Variants in ZDHHC15 observed in about 807,000 individuals in gnomAD.
ZDHHC15 encodes the protein zDHHC palmitoyltransferase 15.
A neutral mutation model predicts 31.7 loss-of-function variants in ZDHHC15; 19 were observed. The ratio of observed to expected loss-of-function variants is 0.60; its 90% CI spans 0.42 to 0.88. The LOEUF is 0.88. Ranked by LOEUF, ZDHHC15 falls within the 40% of genes least tolerant of loss-of-function variation. The pLI, the probability that ZDHHC15 is intolerant of heterozygous loss-of-function variation, is 0.00. For synonymous variants in ZDHHC15, 103 were observed against 90.0 expected (o/e 1.14, Z -0.82); for missense variants, 209 against 251.2 (o/e 0.83, Z 1.14).
intron 4 of ZDHHC15, among the ~76,000 whole-genome samples, chrX:75,445,291 A>T (rs2084017506): frequency 9.0e-6 from 1 of 111,659 alleles, no homozygotes; most frequent in African/African-American, 3.3e-5. Flanking sequence ...AGTTTTGATG[A>T]TGCTAATGAC....
At chrX:75,444,901 T>C (rs1335825367) in intron 4 of ZDHHC15, among the ~76,000 whole-genome samples, 1 of 108,404 alleles carries the variant, frequency 9.2e-6, no homozygotes, top group Admixed American at 1.0e-4. Context: ...TGATCAGGGT[T>C]CCTGGTTCTC....
In ZDHHC15 at chrX:75,417,101, T is replaced by G; in HGVS notation, c.953A>C (p.Glu318Ala). 3.3e-6 allele frequency: 4 copies of G among 1,207,863 alleles called. No individual in the cohort carries two copies. Among genetic ancestry groups the G allele is most frequent in the Non-Finnish European group, 4.5e-6 (4 of 892,508 alleles). Residue 318 changes from glutamate (E) to alanine (A), a missense_variant, in exon 10 of 12, where the codon GAG (glutamate) becomes GCG (alanine). By Grantham distance (107) the Glu-to-Ala change is moderately radical. Coordinates refer to ENST00000373367, the MANE Select transcript of ZDHHC15 (RefSeq NM_144969.3). The part of the protein sequence containing the change: ...LANEETWEDN[E>A]DDNQDYPEGS... ...ACCCCACTTACCTTGGTTGTCATCC[T>G]CGTTGTCTTCCCAGGTTTCTTCATT...
At chrX:75,490,950 G>A (rs1194070243) in intron 2 of ZDHHC15, among the ~76,000 whole-genome samples, 1 of 111,677 alleles carries the variant, frequency 9.0e-6, no homozygotes, top group Non-Finnish European at 1.9e-5. Flanking sequence ...CAGTTAGAAT[G>A]GCAATCATTA....
chrX:75,405,453 C>T (rs1195320189), intron 10 of ZDHHC15, among the ~76,000 whole-genome samples: 2 of 111,306 alleles, frequency 1.8e-5, no homozygotes, highest in Admixed American at 9.6e-5. Flanking sequence ...TAAAGACACA[C>T]ATAAGTACAT....
chrX:75,382,910 T>C (rs1477416673), intron 10 of ZDHHC15, among the ~76,000 whole-genome samples: 1 of 112,002 alleles, frequency 8.9e-6, no homozygotes, highest in African/African-American at 3.2e-5. Context: ...GAAGAGGCTT[T>C]CCAAAAGTCA....
rs182136271 is a variant in ZDHHC15 at position 75,390,294 on chromosome X, C to T, written c.968-11096G>A. ...GCCTGGAACCTGGGGGAATTCGCCA[C>T]CCAGAAGGGAAGAACAGAAACCTGG... On this transcript the variant is annotated intron_variant, in intron 10 of 11. Transcript: ENST00000373367. Among the ~76,000 whole-genome samples, 27 of 112,071 alleles carry T rather than the reference C, an allele frequency of 2.4e-4. No individual in the cohort carries two copies. The Admixed American group carries it at 2.5e-3, about 11-fold the overall frequency.
intron 3 of ZDHHC15, among the ~76,000 whole-genome samples, chrX:75,451,868 G>C (rs756092012): frequency 1.8e-5 from 2 of 111,187 alleles, no homozygotes; most frequent in East Asian, 5.7e-4. Context: ...CCCTAAAAGA[G>C]CTCCTGAAGG....
In ZDHHC15 at chrX:75,419,112, A is replaced by G. The variant is rs186243184; in HGVS notation, c.864-1922T>C. ...CAAATAACTTAAACATATTTACAAG[A>G]GAAAAACAAACAACCCCATCAAAAG... On this transcript the variant is annotated intron_variant, in intron 9 of 11. Coordinates refer to ENST00000373367, the MANE Select transcript of ZDHHC15 (RefSeq NM_144969.3). 4.5e-5 allele frequency among the ~76,000 whole-genome samples: 5 copies of G among 111,911 alleles called. No individual in the cohort carries two copies. In the South Asian group the frequency reaches 1.5e-3, roughly 34 times the overall value.
chrX:75,487,621 G>T (rs1251434735), intron 2 of ZDHHC15, among the ~76,000 whole-genome samples: 1 of 111,759 alleles, frequency 8.9e-6, no homozygotes, highest in African/African-American at 3.2e-5. Context: ...ACAAAACAGG[G>T]TTCTATAATA....
At chrX:75,519,030 T>C (rs1218179844) in intron 1 of ZDHHC15, among the ~76,000 whole-genome samples, 2 of 108,241 alleles carry the variant, frequency 1.8e-5, no homozygotes, top group African/African-American at 6.7e-5. Flanking sequence ...AGATTAATAA[T>C]TGGCTAGGAC....
Position 75,368,648 on chromosome X carries a change from C to T in ZDHHC15, c.*4330G>A, listed in dbSNP as rs2082978543. On this transcript the variant is annotated 3_prime_UTR_variant, in exon 12 of 12. Coordinates refer to ENST00000373367, the MANE Select transcript of ZDHHC15 (RefSeq NM_144969.3). ...GTTCATATATTACCAAGACCCACTG[C>T]CAGCTTTCCTTTTATGTTCCTTCAC... The T allele has an allele frequency of 9.0e-6, 1 of 111,632 alleles. No homozygotes were observed. The highest frequency in any genetic ancestry group is 3.3e-5 in the African/African-American group (1 of 30,710). The allele number at this position is 111,632 out of a possible 1,213,427, so 9.2% of individuals were successfully genotyped here.
intron 10 of ZDHHC15, among the ~76,000 whole-genome samples, chrX:75,410,889 G>A (rs1482157598): frequency 1.8e-5 from 2 of 112,291 alleles, no homozygotes; most frequent in African/African-American, 6.5e-5. Flanking sequence ...ATATGTACAC[G>A]ATGGAATATT....
chrX:75,479,105 T>A (rs1453411276), intron 2 of ZDHHC15, 120 bp from the exon 3 acceptor site: 2 of 432,566 alleles, frequency 4.6e-6, no homozygotes, highest in East Asian at 4.4e-5. Context: ...TCTCTGGTAT[T>A]ATTATGAAGT....
intron 1 of ZDHHC15, among the ~76,000 whole-genome samples, chrX:75,518,677 A>G (rs1488280281): frequency 1.9e-5 from 2 of 103,479 alleles, no homozygotes; most frequent in African/African-American, 7.0e-5. Context: ...TATTCAAACA[A>G]ATACATGAAT....
chrX:75,492,336 A>G (rs2084911787), intron 2 of ZDHHC15, among the ~76,000 whole-genome samples: 1 of 111,050 alleles, frequency 9.0e-6, no homozygotes, highest in South Asian at 3.8e-4. Context: ...ATAATGGGAG[A>G]CTTTAACACC....
chrX:75,506,186 A>G (rs994823267), intron 1 of ZDHHC15, among the ~76,000 whole-genome samples: 1 of 111,873 alleles, frequency 8.9e-6, no homozygotes, highest in African/African-American at 3.2e-5. Flanking sequence ...CTATGTAAAC[A>G]TGCTTTCTTT....
Position 75,392,874 on chromosome X carries a change from C to G in ZDHHC15, c.968-13676G>C, listed in dbSNP as rs1296314235. The stretch of plus-strand genomic sequence containing the variant: ...GGTTGTAGCTGGTACTGACGACTAC[C>G]TTCTTCTACTACCCATTCTGTATTC... On this transcript the variant is annotated intron_variant, in intron 10 of 11. Coordinates refer to ENST00000373367, the MANE Select transcript of ZDHHC15 (RefSeq NM_144969.3). Among the ~76,000 whole-genome samples, 3 of 110,634 alleles carry G rather than the reference C, an allele frequency of 2.7e-5. No individual in the cohort carries two copies. In the Admixed American group the frequency reaches 2.9e-4, roughly 11 times the overall value.
chrX:75,406,842 A>G, intron 10 of ZDHHC15, among the ~76,000 whole-genome samples: 1 of 112,191 alleles, frequency 8.9e-6, no homozygotes, highest in South Asian at 3.7e-4. Flanking sequence ...CAAGGCCAGC[A>G]TTACCCTGAT....
intron 11 of ZDHHC15, among the ~76,000 whole-genome samples, chrX:75,376,277 T>TTAAG (rs2083059523): frequency 9.2e-6 from 1 of 108,190 alleles, no homozygotes; most frequent in African/African-American, 3.4e-5. Flanking sequence ...TTTTTGCTTG[T>TTAAG]TAAGTTCCCT....
Sources: gnomAD v4.1 joint callset for allele counts (sites outside exome capture counted in the v4.1 genomes callset) on GRCh38, gnomAD v4.1.1 for gene constraint, MANE v1.5 for transcripts, NCBI Gene and HGNC (gene_info 2026-07-23, HGNC 2026-07-21) for gene names.